The following CLIC5 variants were observed in gnomAD, a reference collection of about 807,000 sequenced individuals.
CLIC5 encodes CLIC family member 5.
In CLIC5, 20 loss-of-function variants were observed where a neutral mutation model predicts 24.7. That is an observed-to-expected ratio of 0.81 (90% CI 0.57 to 1.18). The LOEUF is 1.18. Among genes scored for constraint, CLIC5 ranks in the 50% most tolerant of loss-of-function variants. The pLI is 0.00. For synonymous variants in CLIC5, 159 were observed against 135.6 expected, an observed-to-expected ratio of 1.17 and a Z score of -1.20; for missense variants, 341 against 326.1, an observed-to-expected ratio of 1.05 and a Z score of -0.35.
intron 4 of CLIC5, among the ~76,000 whole-genome samples, chr6:45,924,881 C>T (rs939628896): frequency 3.3e-5 from 5 of 151,994 alleles, no homozygotes; most frequent in African/African-American, 9.7e-5. Context: ...AAAGAGATAT[C>T]GGTAGAAATT....
intron 1 of CLIC5, among the ~76,000 whole-genome samples, chr6:45,982,018 G>C (rs371300187): frequency 6.6e-6 from 1 of 151,130 alleles, no homozygotes; most frequent in Non-Finnish European, 1.5e-5. Flanking sequence ...AAGAAAAAAA[G>C]AAAGAAATAT....
At chr6:46,119,874 C>T in the CLIC5 span, among the ~76,000 whole-genome samples, 5 of 152,146 alleles carry the variant, frequency 3.3e-5, no homozygotes, top group South Asian at 2.1e-4. Flanking sequence ...AAGGCAGCAG[C>T]GAGGGTGGGG....
intron 1 of CLIC5, among the ~76,000 whole-genome samples, chr6:46,064,073 T>C (rs1581913031): frequency 6.6e-6 from 1 of 151,824 alleles, no homozygotes; most frequent in South Asian, 2.1e-4. Flanking sequence ...CCATATATGG[T>C]TAAAATGATC....
chr6:45,945,677 C>T (rs933628837), intron 3 of CLIC5, among the ~76,000 whole-genome samples: 3 of 152,136 alleles, frequency 2.0e-5, no homozygotes, highest in African/African-American at 7.2e-5. Context: ...TGGATTTGAA[C>T]CCGAGTCACT....
intron 1 of CLIC5, among the ~76,000 whole-genome samples, chr6:46,009,771 A>T (rs1226164107): frequency 6.6e-6 from 1 of 152,070 alleles, no homozygotes; most frequent in African/African-American, 2.4e-5. Context: ...AATAAAGAGG[A>T]TCCTTTACCC....
chr6:45,992,341 A>C (rs1036843512), intron 1 of CLIC5, among the ~76,000 whole-genome samples: 1 of 152,220 alleles, frequency 6.6e-6, no homozygotes, highest in Non-Finnish European at 1.5e-5. Flanking sequence ...ATGACAGCGA[A>C]TGTGTACTCT....
chr6:46,104,046 T>C, the CLIC5 span, among the ~76,000 whole-genome samples: 14 of 152,312 alleles, frequency 9.2e-5, no homozygotes, highest in African/African-American at 3.4e-4. Flanking sequence ...CAACTCTGTG[T>C]ACTCATATTG....
rs191715578 is a variant in CLIC5, at chr6:46,023,880, T to C, written c.540+55823A>G. 1.4e-4 allele frequency among the ~76,000 whole-genome samples: 20 copies of C among 145,858 alleles called. No individual in the cohort carries two copies. In the East Asian group the frequency reaches 3.5e-3, roughly 26 times the overall value. ...GGACGGAGTCCAAGATAAATACATA[T>C]AACAAAATTCAAAAAAAAAAAAAAT... On this transcript the variant is annotated intron_variant, in intron 1 of 5. Transcript: ENST00000185206.
intron 1 of CLIC5, among the ~76,000 whole-genome samples, chr6:45,984,945 T>C (rs1765683383): frequency 6.6e-6 from 1 of 152,200 alleles, no homozygotes; most frequent in African/African-American, 2.4e-5. Flanking sequence ...CTTGACGTCA[T>C]AGCTGCCTCA....
chr6:45,884,366 G>T lies in CLIC5; in HGVS notation c.624-3178C>A, dbSNP rs931917902. On this transcript the variant is annotated intron_variant, in intron 6 of 6. Transcript: ENST00000644324. ...AAGAGTGGGAGAGGAGAAACCAGAT[G>T]CAGGAGACAGTTTGGAGTTATTGAA... 1.1e-4 allele frequency among the ~76,000 whole-genome samples: 17 copies of T among 152,226 alleles called. 1 individual carries two copies. The highest frequency in any genetic ancestry group is 4.1e-4 in the African/African-American group (17 of 41,448).
At chr6:46,053,373 A>G (rs1216246985) in intron 1 of CLIC5, among the ~76,000 whole-genome samples, 1 of 152,224 alleles carries the variant, frequency 6.6e-6, no homozygotes, top group African/African-American at 2.4e-5. Flanking sequence ...GTGCTATATT[A>G]GATGGTGAGG....
chr6:46,047,816 G>A (rs1340612199), intron 1 of CLIC5, among the ~76,000 whole-genome samples: 2 of 143,538 alleles, frequency 1.4e-5, no homozygotes, highest in African/African-American at 5.3e-5. Flanking sequence ...AAATGAAGAG[G>A]CATTCAAAGT....
At chr6:46,009,700 C>G (rs989612061) in intron 1 of CLIC5, among the ~76,000 whole-genome samples, 2 of 152,128 alleles carry the variant, frequency 1.3e-5, no homozygotes, top group Non-Finnish European at 2.9e-5. Context: ...CTATGCATAG[C>G]TGGAAGATTG....
chr6:46,053,851 C>T (rs781640991), intron 1 of CLIC5, among the ~76,000 whole-genome samples: 1 of 152,094 alleles, frequency 6.6e-6, no homozygotes, highest in Non-Finnish European at 1.5e-5. Flanking sequence ...CCTGAAGAGC[C>T]CTGTAATTGA....
At chr6:45,967,435 G>A (rs1411585342) in intron 1 of CLIC5, among the ~76,000 whole-genome samples, 1 of 152,206 alleles carries the variant, frequency 6.6e-6, no homozygotes. Context: ...GCCCACCTAA[G>A]GGTTCACGGA....
At chr6:46,093,394 TGGGGC>T in the CLIC5 span, among the ~76,000 whole-genome samples, 1 of 152,156 alleles carries the variant, frequency 6.6e-6, no homozygotes, top group Non-Finnish European at 1.5e-5. Context: ...AGGTCTGGGA[TGGGGC>T]GGGAACTCTG....
At chr6:45,977,535 T>C (rs1310589951) in intron 1 of CLIC5, among the ~76,000 whole-genome samples, 3 of 152,162 alleles carry the variant, frequency 2.0e-5, no homozygotes, top group Non-Finnish European at 4.4e-5. Flanking sequence ...CTCCAATGAC[T>C]TTGCACTAAT....
intron 1 of CLIC5, among the ~76,000 whole-genome samples, chr6:46,000,760 A>T (rs1033654432): frequency 1.3e-5 from 2 of 152,150 alleles, no homozygotes; most frequent in African/African-American, 4.8e-5. Flanking sequence ...CGAGAACAGC[A>T]TGGGGGAAAC....
chr6:45,915,049 C>T, intron 4 of CLIC5, among the ~76,000 whole-genome samples: 1 of 151,486 alleles, frequency 6.6e-6, no homozygotes. Context: ...CCTGCCTCAG[C>T]CTCTCGAGTA....
Sources: gnomAD v4.1 joint callset for allele counts (sites outside exome capture counted in the v4.1 genomes callset) on GRCh38, gnomAD v4.1.1 for gene constraint, MANE v1.5 for transcripts, NCBI Gene and HGNC (gene_info 2026-07-23, HGNC 2026-07-21) for gene names.